Variants in AHCY observed in about 807,000 individuals in gnomAD.
AHCY encodes adenosylhomocysteinase, also known as S-adenosyl-L-homocysteine hydrolase.
In AHCY, 24 loss-of-function variants were observed where a neutral mutation model predicts 45.4. That is an observed-to-expected ratio of 0.53 (90% CI 0.38 to 0.74). The LOEUF (loss-of-function observed/expected upper bound fraction) is 0.74. Ranked by LOEUF, AHCY falls within the 30% of genes least tolerant of loss-of-function variation. The pLI, the probability that AHCY is intolerant of heterozygous loss-of-function variation, is 0.00. For missense variants in AHCY, 449 were observed against 594.1 expected, an observed-to-expected ratio of 0.76 and a Z score of 2.54; for synonymous variants, 245 against 235.1, an observed-to-expected ratio of 1.04 and a Z score of -0.39.
rs1472316887 is a variant in AHCY at position 34,290,791 on chromosome 20, C to T, written c.706G>A (p.Gly236Arg). The T allele has an allele frequency of 1.9e-6, 3 of 1,613,916 alleles. No individual in the cohort carries two copies. The highest frequency in any genetic ancestry group is 2.2e-5 in the East Asian group (1 of 44,878). The change falls in exon 6 of 10, where the codon GGA (glycine) becomes AGA (arginine). Residue 236 changes from glycine to arginine, a missense_variant. By Grantham distance (125) the Gly-to-Arg change is moderately radical. Coordinates refer to ENST00000217426, the MANE Select transcript of AHCY (RefSeq NM_000687.4). The surrounding 1 kb of genome is among the most constrained non-coding windows in gnomAD (Gnocchi z 4.5). ...KGCAQALRGF[G>R]ARVIITEIDP... ...ATCTCGGTGATGATGACGCGGGCTC[C>T]GAAACCCCGCAGGGCCTGGGCACAG...
the AHCY span, among the ~76,000 whole-genome samples, chr20:34,235,556 C>G: frequency 6.6e-6 from 1 of 152,078 alleles, no homozygotes; most frequent in Non-Finnish European, 1.5e-5. Flanking sequence ...GAAGACCAGG[C>G]AACAGAAGTA....
chr20:34,250,705 G>C, the AHCY span, among the ~76,000 whole-genome samples: 1 of 152,168 alleles, frequency 6.6e-6, no homozygotes, highest in Admixed American at 6.5e-5. Context: ...GCTGAGATGG[G>C]AGAATCGCTT....
the AHCY span, among the ~76,000 whole-genome samples, chr20:34,273,414 T>C: frequency 6.6e-6 from 1 of 152,222 alleles, no homozygotes. Context: ...AAAAGTGACT[T>C]GTTCAGGCTG....
intron 8 of AHCY, chr20:34,285,953 A>C: frequency 2.9e-6 from 1 of 342,108 alleles, no homozygotes. Context: ...AAAATACAAA[A>C]AATTAGCCGG....
At chr20:34,235,118 G>A in the AHCY span, 5 of 152,238 alleles carry the variant, frequency 3.3e-5, no homozygotes, top group Admixed American at 3.3e-4. Flanking sequence ...CCATCTTGAA[G>A]AGCAAGAGCA....
At chr20:34,245,896 C>T in the AHCY span, 4 of 1,387,242 alleles carry the variant, frequency 2.9e-6, no homozygotes, top group Non-Finnish European at 3.9e-6. Context: ...AGGCCTCTCT[C>T]CCTTTGGCCA....
rs1568818079 is a variant in AHCY at position 34,303,311 on chromosome 20, G to A, written c.-41C>T. 1.9e-6 allele frequency: 3 copies of A among 1,551,590 alleles called. No individual in the cohort carries two copies. The highest frequency in any genetic ancestry group is 2.4e-5 in the East Asian group (1 of 40,934). ...GATGGAAACGGGCGAAGGGGGCTGG[G>A]CCTCAGTCTGGGAACAGGAACTGGG... is the stretch of plus-strand genomic sequence containing the variant. On this transcript the variant is annotated 5_prime_UTR_variant, in exon 1 of 10. Transcript: ENST00000217426.
chr20:34,281,458 G>C (rs1300998702), intron 9 of AHCY, among the ~76,000 whole-genome samples: 1 of 152,138 alleles, frequency 6.6e-6, no homozygotes, highest in Non-Finnish European at 1.5e-5. Flanking sequence ...TGCTTCTCTG[G>C]AATTGATCTA....
At chr20:34,247,266 A>AT in the AHCY span, among the ~76,000 whole-genome samples, 2 of 142,442 alleles carry the variant, frequency 1.4e-5, no homozygotes, top group East Asian at 4.2e-4. Context: ...TTTCCATCTT[A>AT]TTACGAAAGC....
the AHCY span, among the ~76,000 whole-genome samples, chr20:34,267,272 C>T: frequency 4.5e-4 from 69 of 151,698 alleles, 1 homozygote; most frequent in Middle Eastern, 6.8e-3. Context: ...AATTACAGCA[C>T]GGTAATGAGA....
the AHCY span, among the ~76,000 whole-genome samples, chr20:34,273,222 C>CTT: frequency 2.7e-3 from 377 of 141,220 alleles, 1 homozygote; most frequent in East Asian, 5.0e-3. Flanking sequence ...TGTGGTGACC[C>CTT]TTTTTTTTTT....
chr20:34,303,077 C>A (rs1267373610), intron 1 of AHCY, 166 bp downstream of exon 1: 2 of 984,982 alleles, frequency 2.0e-6, no homozygotes, highest in African/African-American at 3.5e-5. Flanking sequence ...CGCTCATGGC[C>A]GCGCGAGAAC....
At position 34,292,346 on chromosome 20, in the gene AHCY, C is replaced by T. The variant is rs747425459; in HGVS notation, c.445+12G>A. On this transcript the variant is annotated intron_variant, in intron 4 of 9. Coordinates refer to ENST00000217426, the MANE Select transcript of AHCY (RefSeq NM_000687.4). ...CCACCAGCACCCAGCCCACCTGCCC[C>T]GCCCTGCTCACCTGGCAGAAGCTGC... 29 of 1,611,902 alleles carry T rather than the reference C, an allele frequency of 1.8e-5. No homozygotes were observed. The highest frequency in any genetic ancestry group is 2.2e-5 in the East Asian group (1 of 44,876).
the AHCY span, among the ~76,000 whole-genome samples, chr20:34,236,395 T>C: frequency 6.6e-6 from 1 of 152,086 alleles, no homozygotes; most frequent in East Asian, 1.9e-4. Context: ...CACAAAAAAA[T>C]TAGCCAGGCA....
the AHCY span, among the ~76,000 whole-genome samples, chr20:34,272,357 G>A: frequency 6.6e-6 from 1 of 152,156 alleles, no homozygotes; most frequent in Non-Finnish European, 1.5e-5. Flanking sequence ...CCCACCAGCA[G>A]GCAAACAATC....
At chr20:34,273,689 CT>C in the AHCY span, among the ~76,000 whole-genome samples, 1 of 152,208 alleles carries the variant, frequency 6.6e-6, no homozygotes, top group African/African-American at 2.4e-5. Flanking sequence ...TTAATTTGAA[CT>C]GAATTAGCCA....
At chr20:34,249,379 T>C in the AHCY span, among the ~76,000 whole-genome samples, 1 of 149,878 alleles carries the variant, frequency 6.7e-6, no homozygotes, top group African/African-American at 2.5e-5. Context: ...CAGCTGAAGG[T>C]GATGTCTATA....
At chr20:34,251,564 G>A in the AHCY span, among the ~76,000 whole-genome samples, 11 of 152,242 alleles carry the variant, frequency 7.2e-5, no homozygotes, top group South Asian at 4.2e-4. Flanking sequence ...ATGAGCCACC[G>A]CGCCTGACCT....
At chr20:34,235,848 GGAAGGAAGGAAGGAAGGA>G in the AHCY span, among the ~76,000 whole-genome samples, 5 of 39,552 alleles carry the variant, frequency 1.3e-4, no homozygotes, top group African/African-American at 1.3e-3. Context: ...AAAGAAGGAA[GGAAGGAAGGAAGGAAGGA>G]AAGGAAGGAA....
Sources: allele counts gnomAD v4.1 joint callset (sites outside exome capture counted in the v4.1 genomes callset), GRCh38; gene constraint gnomAD v4.1.1; non-coding constraint Gnocchi (gnomAD v3.1); transcripts MANE v1.5; gene names NCBI Gene and HGNC (gene_info 2026-07-23, HGNC 2026-07-21).